WHRN: variants seen among roughly 807,000 people sequenced by gnomAD.
WHRN encodes whirlin.
A neutral mutation model predicts 68.3 loss-of-function variants in WHRN; 41 were observed. The observed-to-expected ratio is 0.60, with a 90% CI of 0.47 to 0.78. The LOEUF (loss-of-function observed/expected upper bound fraction) is 0.78, where lower values mean the gene tolerates loss of function less well. Ranked by LOEUF, WHRN falls within the 30% of genes least tolerant of loss-of-function variation. The pLI is 0.00. For missense variants in WHRN, 1,243 were observed against 1,244.7 expected, an observed-to-expected ratio of 1.00 and a Z score of 0.02; for synonymous variants, 560 against 561.3, an observed-to-expected ratio of 1.00 and a Z score of 0.03.
intron 7 of WHRN, 111 bp downstream of exon 7, chr9:114,423,203 C>T: frequency 7.0e-6 from 8 of 1,150,668 alleles, no homozygotes; most frequent in Non-Finnish European, 1.0e-5. Flanking sequence ...GCAAGGCACA[C>T]AGCTGGTAAG....
In WHRN at chr9:114,406,882, C is replaced by T. The variant is rs1835075910; in HGVS notation, c.1709G>A (p.Arg570Lys). ...GCTTGACAGCCCCTGGGAGGTGGATCTGACATCATCCTGCCAAAAGACCCA... is the reference window on the plus strand; with the variant it reads ...GCTTGACAGCCCCTGGGAGGTGGATTTGACATCATCCTGCCAAAAGACCCA... ...ALPDVSVDDV[R>K]STSQGLSSFK... The change falls in exon 9 of 12, where the codon AGA (arginine) becomes AAA (lysine). Residue 570 changes from arginine (R) to lysine (K), a missense_variant. Arg to Lys is a conservative substitution (Grantham distance 26). Transcript: ENST00000362057. 6.3e-7 allele frequency: 1 copy of T among 1,575,336 alleles called. No individual in the cohort carries two copies. Among genetic ancestry groups the T allele is most frequent in the African/African-American group, 1.4e-5 (1 of 73,984 alleles).
chr9:114,428,275 G>A (rs1182779561), intron 3 of WHRN, among the ~76,000 whole-genome samples: 1 of 152,200 alleles, frequency 6.6e-6, no homozygotes, highest in Non-Finnish European at 1.5e-5. Flanking sequence ...GCAGTGAGCC[G>A]ACATCGTGCC....
intron 3 of WHRN, among the ~76,000 whole-genome samples, chr9:114,435,811 G>GA (rs1451654474): frequency 6.6e-6 from 1 of 152,176 alleles, no homozygotes; most frequent in Non-Finnish European, 1.5e-5. Context: ...AGTAGCAACA[G>GA]AAGAGAAAAA....
At chr9:114,441,435 T>A (rs1479933360) in intron 3 of WHRN, among the ~76,000 whole-genome samples, 1 of 152,200 alleles carries the variant, frequency 6.6e-6, no homozygotes, top group Non-Finnish European at 1.5e-5. Context: ...AATAAGCCCA[T>A]CTAGCCCCCA....
chr9:114,407,999 T>C lies in WHRN; in HGVS notation c.1646A>G (p.Glu549Gly). Residue 549 changes from glutamate (E) to glycine (G), a missense_variant, in exon 8 of 12, where the codon GAA (glutamate) becomes GGA (glycine). By Grantham distance (98) the Glu-to-Gly change is moderately conservative (BLOSUM62 -2). Coordinates refer to ENST00000362057, the MANE Select transcript of WHRN (RefSeq NM_015404.4). Reference sequence around the variant, plus strand: ...ATTGCCCTGGACAGCCTCGCCAGTTTCCTCCAGGTCCAGAGTGTTCTAGAA... The same window carrying C: ...ATTGCCCTGGACAGCCTCGCCAGTTCCCTCCAGGTCCAGAGTGTTCTAGAA... ...SSARNTLDLE[E>G]TGEAVQGNIN... The C allele has an allele frequency of 4.4e-6, 7 of 1,602,962 alleles. No individual in the cohort carries two copies. Among genetic ancestry groups the C allele is most frequent in the Non-Finnish European group, 6.0e-6 (7 of 1,174,058 alleles).
intron 4 of WHRN, 199 bp from the exon 5 acceptor site, chr9:114,425,223 C>G: frequency 1.4e-6 from 1 of 709,324 alleles, no homozygotes; most frequent in South Asian, 1.5e-5. Context: ...TCCAGCCTCC[C>G]AATCAGCAGT....
rs147319712 is a variant in WHRN, at chr9:114,424,966, T to TAC, written c.1203+20_1203+21dup. Reference sequence around the variant, plus strand: ...CAGGGAGCTGTGAGGAAGCAGAGAATACCCCTTAGAGGATGTCCTACCTTG... The same window carrying TAC: ...CAGGGAGCTGTGAGGAAGCAGAGAATACACCCCTTAGAGGATGTCCTACCTTG... On this transcript the variant is annotated intron_variant, in intron 5 of 11. Transcript: ENST00000362057. 3,965 of 1,613,436 alleles carry TAC rather than the reference T, an allele frequency of 2.5e-3. 84 individuals are homozygous for TAC. The African/African-American group carries it at 0.046, about 19-fold the overall frequency.
Position 114,402,641 on chromosome 9 carries a change from C to T in WHRN, c.*113G>A. 1 of 1,365,268 alleles carries T rather than the reference C, an allele frequency of 7.3e-7. No homozygotes were observed. The highest frequency in any genetic ancestry group is 1.0e-6 in the Non-Finnish European group (1 of 966,116). The allele number at this position is 1,365,268 out of a possible 1,614,324, so 84.6% of individuals were successfully genotyped here. A position where few individuals can be genotyped will look rare whatever the true frequency, so the allele number is the denominator to read the frequency against. ...GCTGGGATGGAGGGGGGATGTCTTC[C>T]TGCCACCCTGGCCATGCAGCCCCAA... is the stretch of plus-strand genomic sequence containing the variant. On this transcript the variant is annotated 3_prime_UTR_variant, in exon 12 of 12. Transcript: ENST00000362057.
Position 114,430,320 on chromosome 9 carries a change from T to G in WHRN, c.964-3907A>C, listed in dbSNP as rs79879288. ...CTTGAATTTCAGAAAAACAAATGCT[T>G]TAAAAATATACATATGTCCCAAATA... On this transcript the variant is annotated intron_variant, in intron 3 of 11. Transcript: ENST00000362057. Among the ~76,000 whole-genome samples the G allele has an allele frequency of 1.4e-3, 206 of 152,308 alleles. 3 individuals are homozygous for G. In the East Asian group the frequency reaches 0.038, roughly 28 times the overall value.
chr9:114,467,774 G>C (rs1483955941), intron 2 of WHRN, among the ~76,000 whole-genome samples: 1 of 152,076 alleles, frequency 6.6e-6, no homozygotes, highest in Non-Finnish European at 1.5e-5. Context: ...AAGAAAGCAG[G>C]GGACCAGAAT....
intron 7 of WHRN, among the ~76,000 whole-genome samples, chr9:114,417,176 C>A (rs1034153251): frequency 6.6e-6 from 1 of 152,226 alleles, no homozygotes; most frequent in African/African-American, 2.4e-5. Flanking sequence ...AAAGCTGGAT[C>A]TGATTTCCTT....
Position 114,407,876 on chromosome 9 carries a change from G to A in WHRN, c.1698+71C>T, listed in dbSNP as rs550500221. The A allele has an allele frequency of 6.8e-6, 9 of 1,329,952 alleles. No homozygotes were observed. The African/African-American group carries it at 1.3e-4, about 19-fold the overall frequency. 82.4% of individuals were successfully genotyped at this position (1,329,952 alleles called of 1,614,324 possible). Reference sequence around the variant, plus strand: ...TGTGCCCTTTCTCCGTGGCTGTCATGGAGAGGAGAGAGCCACCAGGACCTG... The same window carrying A: ...TGTGCCCTTTCTCCGTGGCTGTCATAGAGAGGAGAGAGCCACCAGGACCTG... On this transcript the variant is annotated intron_variant, in intron 8 of 11. Coordinates refer to ENST00000362057, the MANE Select transcript of WHRN (RefSeq NM_015404.4).
chr9:114,504,727 G>A lies in WHRN; in HGVS notation c.75C>T (p.Gly25=), dbSNP rs771128098. ...TGSLGSAAGA[G]GGGGAGLRLL... is the part of the protein sequence containing the mutation. ...ACCGCAGCCCCGCGCCCCCGCCGCC[G>A]CCCGCCCCGGCCGCCGAGCCCAGCG... The change falls in exon 1 of 12, where the codon GGC becomes GGT. Residue 25 remains glycine, a synonymous_variant. Transcript: ENST00000362057. 1.6e-4 allele frequency: 240 copies of A among 1,504,420 alleles called. 2 individuals carry two copies. The African/African-American group carries it at 3.2e-3, about 20-fold the overall frequency. The allele number at this position is 1,504,420 out of a possible 1,614,324, so 93.2% of individuals were successfully genotyped here. A position where few individuals can be genotyped will look rare whatever the true frequency, so the allele number is the denominator to read the frequency against.
intron 3 of WHRN, 30 bp from the exon 4 acceptor site, chr9:114,426,443 C>T: frequency 1.2e-6 from 2 of 1,612,882 alleles, no homozygotes; most frequent in Non-Finnish European, 1.7e-6. Flanking sequence ...ATACAGTCAC[C>T]TGGGCTGTTT....
chr9:114,429,168 C>T (rs542976421), intron 3 of WHRN, among the ~76,000 whole-genome samples: 7 of 152,168 alleles, frequency 4.6e-5, no homozygotes, highest in Middle Eastern at 3.2e-3. Flanking sequence ...TGAGCTCAGG[C>T]GATCCACGCG....
chr9:114,456,283 A>C lies in WHRN; in HGVS notation c.963+9984T>G, dbSNP rs891734134. On this transcript the variant is annotated intron_variant, in intron 3 of 11. Coordinates refer to ENST00000362057, the MANE Select transcript of WHRN (RefSeq NM_015404.4). The stretch of plus-strand genomic sequence containing the variant: ...ACTTTATATAAATTTGTAAAACTCA[A>C]CCAGGATGTGTATGGGAGGGGGCAC... Among the ~76,000 whole-genome samples, 2 of 152,196 alleles carry C rather than the reference A, an allele frequency of 1.3e-5. 1 individual carries two copies. Among genetic ancestry groups the C allele is most frequent in the Admixed American group, 1.3e-4 (2 of 15,276 alleles).
In WHRN at chr9:114,464,813, CATAATGATGATGATG is replaced by C. The variant is rs1028175148; in HGVS notation, c.963+1439_963+1453del. 9.1e-5 allele frequency among the ~76,000 whole-genome samples: 11 copies of C among 120,880 alleles called. No homozygotes were observed. In the South Asian group the frequency reaches 9.4e-4, roughly 10 times the overall value. The allele number at this position is 120,880 out of a possible 152,430, so 79.3% of individuals were successfully genotyped here. On this transcript the variant is annotated intron_variant, in intron 3 of 11. Transcript: ENST00000362057. ...TATGGTAGATGTTAATGATTATGTC[CATAATGATGATGATG>C]ATGATGATGATGATGATGATGATGA...
intron 1 of WHRN, among the ~76,000 whole-genome samples, chr9:114,502,347 G>T (rs1210081889): frequency 6.6e-6 from 1 of 152,172 alleles, no homozygotes; most frequent in African/African-American, 2.4e-5. Context: ...TCCCTTGCCA[G>T]CAAGGGTTTA....
intron 2 of WHRN, among the ~76,000 whole-genome samples, chr9:114,472,526 C>A (rs914195417): frequency 6.6e-6 from 1 of 152,190 alleles, no homozygotes; most frequent in East Asian, 1.9e-4. Flanking sequence ...CTGCCCCACG[C>A]ACACACCACC....
Sources: allele counts gnomAD v4.1 joint callset (sites outside exome capture counted in the v4.1 genomes callset), GRCh38; gene constraint gnomAD v4.1.1; transcripts MANE v1.5; gene names NCBI Gene and HGNC (gene_info 2026-07-23, HGNC 2026-07-21).